The following ADAMTS6 variants were observed in gnomAD, a reference collection of about 807,000 sequenced individuals.
ADAMTS6 encodes the protein ADAM metallopeptidase with thrombospondin type 1 motif 6, also known as A disintegrin and metalloproteinase with thrombospondin motifs 6.
Under a neutral mutation model 144.3 loss-of-function variants are expected in ADAMTS6, and 23 were observed. That is an observed-to-expected ratio of 0.16 (90% CI 0.11 to 0.23). The LOEUF is 0.23. ADAMTS6 is among the 10% of genes least tolerant of loss of function. ADAMTS6 has a pLI of 1.00. For synonymous variants in ADAMTS6, 444 were observed against 457.5 expected (o/e 0.97, Z 0.38); for missense variants, 999 against 1,379.6 (o/e 0.72, Z 4.37).
At position 65,416,779 on chromosome 5, in the gene ADAMTS6, C is replaced by CAAAAT. The variant is rs1278358107; in HGVS notation, c.1073+34691_1073+34695dup. 7.5e-3 allele frequency among the ~76,000 whole-genome samples: 1,095 copies of CAAAAT among 146,146 alleles called. 11 individuals are homozygous for CAAAAT. Among genetic ancestry groups the CAAAAT allele is most frequent in the African/African-American group, 0.023 (919 of 39,894 alleles). ...AAAAAAAAAAAACCAACAACAACAACAAAATAAAATAAAATAAAATAATAT... is the reference window on the plus strand; with the variant it reads ...AAAAAAAAAAAACCAACAACAACAACAAAATAAAATAAAATAAAATAAAATAATAT... On this transcript the variant is annotated intron_variant, in intron 7 of 24. Transcript: ENST00000381055.
chr5:65,474,296 A>T (rs1383945257), intron 1 of ADAMTS6, among the ~76,000 whole-genome samples: 1 of 152,154 alleles, frequency 6.6e-6, no homozygotes, highest in Non-Finnish European at 1.5e-5. Context: ...TCAGTTCATT[A>T]TATGTGACAA....
At chr5:65,425,873 C>T (rs894428668) in intron 7 of ADAMTS6, among the ~76,000 whole-genome samples, 12 of 151,960 alleles carry the variant, frequency 7.9e-5, no homozygotes, top group African/African-American at 2.9e-4. Flanking sequence ...ACGCCATTCT[C>T]CTGCCTCAGC....
chr5:65,367,360 G>A (rs1750401004), intron 7 of ADAMTS6, among the ~76,000 whole-genome samples: 1 of 152,048 alleles, frequency 6.6e-6, no homozygotes, highest in Non-Finnish European at 1.5e-5. Context: ...ACACATATGG[G>A]TACAATATTG....
intron 20 of ADAMTS6, among the ~76,000 whole-genome samples, chr5:65,213,407 T>C (rs1025941897): frequency 2.0e-5 from 3 of 152,200 alleles, no homozygotes; most frequent in Non-Finnish European, 1.5e-5. Flanking sequence ...TTTGGGAGAC[T>C]GAGGCAGGAG....
At chr5:65,334,007 A>AAC in intron 8 of ADAMTS6, 35 bp downstream of exon 8, 8 of 1,255,396 alleles carry the variant, frequency 6.4e-6, no homozygotes, top group Non-Finnish European at 7.2e-6. Context: ...TAAAAAAAAA[A>AAC]AAAAAAAAAA....
At chr5:65,435,982 G>A (rs926409282) in intron 7 of ADAMTS6, among the ~76,000 whole-genome samples, 2 of 152,046 alleles carry the variant, frequency 1.3e-5, no homozygotes, top group African/African-American at 4.8e-5. Flanking sequence ...GCACTTTAGA[G>A]GTCAAATAAA....
chr5:65,303,069 T>C (rs1368209398), intron 9 of ADAMTS6, among the ~76,000 whole-genome samples: 2 of 152,168 alleles, frequency 1.3e-5, no homozygotes, highest in Non-Finnish European at 2.9e-5. Context: ...GTGTCAATGT[T>C]AAGAGAATAA....
Position 65,417,099 on chromosome 5 carries a change from A to T in ADAMTS6, c.1073+34376T>A, listed in dbSNP as rs571986862. On this transcript the variant is annotated intron_variant, in intron 7 of 24. Coordinates refer to ENST00000381055, the MANE Select transcript of ADAMTS6 (RefSeq NM_197941.4). ...ATACACAAATCAATAAATGTGATTCACCACATAAACAGAATTAAAAACAAA... is the reference window on the plus strand; with the variant it reads ...ATACACAAATCAATAAATGTGATTCTCCACATAAACAGAATTAAAAACAAA... Among the ~76,000 whole-genome samples, 12 of 152,366 alleles carry T rather than the reference A, an allele frequency of 7.9e-5. No homozygotes were observed. In the South Asian group the frequency reaches 1.4e-3, roughly 18 times the overall value.
At chr5:65,445,460 C>T (rs147795252) in intron 7 of ADAMTS6, among the ~76,000 whole-genome samples, 102 of 152,288 alleles carry the variant, frequency 6.7e-4, no homozygotes, top group Admixed American at 2.0e-3. Context: ...ACCTCAGCAT[C>T]CTGAGTATCT....
intron 7 of ADAMTS6, among the ~76,000 whole-genome samples, chr5:65,404,103 T>A (rs977499844): frequency 6.6e-6 from 1 of 152,166 alleles, no homozygotes; most frequent in Non-Finnish European, 1.5e-5. Context: ...AATTTTAGTA[T>A]TGTATATCAT....
intron 4 of ADAMTS6, among the ~76,000 whole-genome samples, chr5:65,458,030 C>A (rs1439648657): frequency 3.3e-5 from 5 of 151,526 alleles, no homozygotes; most frequent in Non-Finnish European, 7.4e-5. Context: ...CGGCCTGAAT[C>A]CTAGTTTTTA....
intron 10 of ADAMTS6, among the ~76,000 whole-genome samples, chr5:65,297,458 T>C (rs986522698): frequency 1.3e-5 from 2 of 152,136 alleles, no homozygotes; most frequent in Non-Finnish European, 2.9e-5. Context: ...TAGAGAAAGG[T>C]ATGCGTTTTG....
intron 1 of ADAMTS6, among the ~76,000 whole-genome samples, chr5:65,475,860 T>A (rs538881128): frequency 4.3e-4 from 66 of 152,220 alleles, no homozygotes; most frequent in Non-Finnish European, 8.8e-4. Flanking sequence ...ATTGCTTCTT[T>A]TAATCTCCAA....
intron 18 of ADAMTS6, among the ~76,000 whole-genome samples, chr5:65,223,177 ACTTT>A (rs1461749518): frequency 1.3e-5 from 2 of 152,244 alleles, no homozygotes; most frequent in South Asian, 2.1e-4. Flanking sequence ...ATATTTTCAT[ACTTT>A]CTTTTTTTTC....
chr5:65,241,173 T>C (rs1759146561), intron 15 of ADAMTS6, among the ~76,000 whole-genome samples: 1 of 151,194 alleles, frequency 6.6e-6, no homozygotes, highest in South Asian at 2.1e-4. Context: ...ATTCTGTTAA[T>C]ATAAGATACT....
intron 7 of ADAMTS6, among the ~76,000 whole-genome samples, chr5:65,354,299 T>G (rs553603665): frequency 6.6e-6 from 1 of 152,008 alleles, no homozygotes; most frequent in South Asian, 2.1e-4. Context: ...GGGTTCTACT[T>G]ACAGAATTAT....
chr5:65,331,867 C>T (rs1274393002), intron 8 of ADAMTS6, among the ~76,000 whole-genome samples: 1 of 151,738 alleles, frequency 6.6e-6, no homozygotes, highest in Non-Finnish European at 1.5e-5. Context: ...ATATATGCAG[C>T]TCATTCAGTT....
At position 65,188,393 on chromosome 5, in the gene ADAMTS6, G is replaced by A. The variant is rs186067378; in HGVS notation, c.2706-173C>T. ...AAGGAAAAGACCTTTACTGTCATTT[G>A]CTTTCTAAAGTGTAGTGTGTGGACA... On this transcript the variant is annotated intron_variant, in intron 21 of 24. Transcript: ENST00000381055. 2.0e-5 allele frequency among the ~76,000 whole-genome samples: 3 copies of A among 152,304 alleles called. No individual in the cohort carries two copies. In the East Asian group the frequency reaches 5.8e-4, roughly 29 times the overall value.
At position 65,260,646 on chromosome 5, in the gene ADAMTS6, T is replaced by C. The variant is rs201962159; in HGVS notation, c.1784A>G (p.Lys595Arg). Residue 595 changes from lysine to arginine, a missense_variant, in exon 14 of 25, where the codon AAA (lysine) becomes AGA (arginine). Coordinates refer to ENST00000381055, the MANE Select transcript of ADAMTS6 (RefSeq NM_197941.4). ...CCGTTTCCTTTCCCCAAGGCAATAT[T>C]TTCCACCTCCTGAAGGTCTGAAAAA... Reference protein sequence around the residue: ...CDSPAPSGGGKYCLGERKRYR... With the variant: ...CDSPAPSGGGRYCLGERKRYR... The C allele has an allele frequency of 1.3e-4, 216 of 1,613,494 alleles. No individual in the cohort carries two copies. Among genetic ancestry groups the C allele is most frequent in the Non-Finnish European group, 1.7e-4 (200 of 1,179,760 alleles).
Sources: allele counts gnomAD v4.1 joint callset (sites outside exome capture counted in the v4.1 genomes callset), GRCh38; gene constraint gnomAD v4.1.1; transcripts MANE v1.5; gene names NCBI Gene and HGNC (gene_info 2026-07-23, HGNC 2026-07-21).